The following DGKD variants were observed in gnomAD, a reference collection of about 807,000 sequenced individuals.
DGKD encodes diacylglycerol kinase delta.
DGKD carries 68 observed loss-of-function variants against 154.4 expected under a neutral mutation model. That is an observed-to-expected ratio of 0.44 (90% confidence interval 0.36 to 0.54). The LOEUF is 0.54. Among genes scored for constraint, DGKD ranks in the 20% least tolerant of loss-of-function variants. DGKD has a pLI of 0.00. For synonymous variants in DGKD, 693 were observed against 638.0 expected, an observed-to-expected ratio of 1.09 and a Z score of -1.30; for missense variants, 1,343 against 1,593.6, an observed-to-expected ratio of 0.84 and a Z score of 2.68.
chr2:233,461,453 G>A (rs369949548), intron 24 of DGKD, among the ~76,000 whole-genome samples: 3 of 152,354 alleles, frequency 2.0e-5, no homozygotes, highest in South Asian at 4.1e-4. Flanking sequence ...GGCGTTCCTC[G>A]CTCTGCACTT....
intron 3 of DGKD, among the ~76,000 whole-genome samples, chr2:233,423,076 A>T (rs908111817): frequency 6.6e-6 from 1 of 152,184 alleles, no homozygotes; most frequent in South Asian, 2.1e-4. Context: ...ATTGAGGTTG[A>T]TGAGTCTTAT....
At chr2:233,368,623 G>C (rs1014583698) in intron 1 of DGKD, among the ~76,000 whole-genome samples, 1 of 152,136 alleles carries the variant, frequency 6.6e-6, no homozygotes, top group African/African-American at 2.4e-5. Context: ...AATGTTCGAG[G>C]TAAGGATTTG....
chr2:233,377,313 A>G (rs577939293), intron 1 of DGKD, among the ~76,000 whole-genome samples: 170 of 152,134 alleles, frequency 1.1e-3, no homozygotes, highest in Non-Finnish European at 1.7e-3. Context: ...TGAACTCCTA[A>G]CCTCAGGTGA....
rs771782562 is a variant in DGKD at position 233,446,746 on chromosome 2, C to T, written c.1369C>T (p.Arg457Trp). 5.0e-5 allele frequency: 80 copies of T among 1,614,162 alleles called. No homozygotes were observed. In the Middle Eastern group the frequency reaches 9.9e-4, roughly 20 times the overall value. Residue 457 changes from arginine (R) to tryptophan (W), a missense_variant, in exon 12 of 30, where the codon CGG (arginine) becomes TGG (tryptophan). Physicochemically the swap from Arg to Trp is moderately radical, Grantham distance 101. This residue lies in a region of DGKD where 409 missense variants were observed against 446.0 expected (regional missense o/e 0.92). Transcript: ENST00000264057. ...SVMAYEAKLP[R>W]QASSSTVTED... ...CATGGCATACGAGGCCAAGCTCCCCCGGCAGGCCTCCTCCTCTACCGTCAC... is the reference window on the plus strand; with the variant it reads ...CATGGCATACGAGGCCAAGCTCCCCTGGCAGGCCTCCTCCTCTACCGTCAC...
At chr2:233,396,047 T>C (rs1704003770) in intron 3 of DGKD, among the ~76,000 whole-genome samples, 1 of 152,218 alleles carries the variant, frequency 6.6e-6, no homozygotes, top group African/African-American at 2.4e-5. Flanking sequence ...AAATGGTCTG[T>C]TTTCCAGAAA....
At chr2:233,389,245 T>A (rs927371797) in intron 2 of DGKD, among the ~76,000 whole-genome samples, 5 of 152,228 alleles carry the variant, frequency 3.3e-5, no homozygotes, top group Admixed American at 6.5e-5. Flanking sequence ...CAATTAACCT[T>A]GTTTCTGTGT....
intron 3 of DGKD, chr2:233,408,897 T>G (rs2061751879): frequency 6.6e-6 from 1 of 152,268 alleles, no homozygotes; most frequent in African/African-American, 2.4e-5. Flanking sequence ...GGCTGTTTGC[T>G]AAGTGTGGGG....
At chr2:233,393,971 C>T (rs768513587) in intron 3 of DGKD, among the ~76,000 whole-genome samples, 4 of 152,072 alleles carry the variant, frequency 2.6e-5, no homozygotes, top group Non-Finnish European at 4.4e-5. Context: ...CCACCTTGCC[C>T]GGCTGTGTAT....
chr2:233,391,222 C>G (rs1703586570), intron 3 of DGKD, among the ~76,000 whole-genome samples: 1 of 151,660 alleles, frequency 6.6e-6, no homozygotes, highest in Non-Finnish European at 1.5e-5. Flanking sequence ...TTTCTTCCTT[C>G]CAAATTTATA....
chr2:233,359,971 C>G (rs1701705948), intron 1 of DGKD, among the ~76,000 whole-genome samples: 1 of 152,148 alleles, frequency 6.6e-6, no homozygotes, highest in African/African-American at 2.4e-5. Flanking sequence ...CAGTGACTGG[C>G]TGGGTCTGGA....
intron 1 of DGKD, among the ~76,000 whole-genome samples, chr2:233,387,102 T>A (rs1009569485): frequency 5.3e-5 from 8 of 152,252 alleles, no homozygotes; most frequent in African/African-American, 1.9e-4. Flanking sequence ...TGTTCTGCGC[T>A]TGCATTCTGG....
intron 3 of DGKD, among the ~76,000 whole-genome samples, chr2:233,399,424 C>G (rs776029062): frequency 6.6e-6 from 1 of 152,192 alleles, no homozygotes; most frequent in Non-Finnish European, 1.5e-5. Context: ...GTCTTCCTTC[C>G]TGCAGGGCAC....
intron 1 of DGKD, among the ~76,000 whole-genome samples, chr2:233,371,870 A>C (rs1018471367): frequency 6.6e-6 from 1 of 152,196 alleles, no homozygotes; most frequent in Non-Finnish European, 1.5e-5. Flanking sequence ...GCTCCTCAGG[A>C]GTGCTTGGAA....
At chr2:233,460,164 G>T in intron 23 of DGKD, 30 bp from the exon 24 acceptor site, 1 of 1,611,732 alleles carries the variant, frequency 6.2e-7, no homozygotes, top group Non-Finnish European at 8.5e-7. Context: ...CTTCAGAGCA[G>T]CAGGTGTAAT....
chr2:233,396,817 G>T (rs1704073001), intron 3 of DGKD, among the ~76,000 whole-genome samples: 1 of 152,158 alleles, frequency 6.6e-6, no homozygotes, highest in Non-Finnish European at 1.5e-5. Context: ...GGGACCAGCA[G>T]TGCGAAGACC....
At chr2:233,407,626 G>A (rs562521016) in intron 3 of DGKD, among the ~76,000 whole-genome samples, 1 of 152,208 alleles carries the variant, frequency 6.6e-6, no homozygotes, top group Admixed American at 6.5e-5. Context: ...AATTATCCAG[G>A]TACGGAGGCA....
rs1172006953 is a variant in DGKD at position 233,449,050 on chromosome 2, C to T, written c.1615-53C>T. On this transcript the variant is annotated intron_variant, in intron 14 of 29. Coordinates refer to ENST00000264057, the MANE Select transcript of DGKD (RefSeq NM_152879.3). This position sits in a 1 kb window ranked among gnomAD's most constrained non-coding sequence, Gnocchi z 5.3. ...GAAATGGCCTGAGGTTCCCTGCCTG[C>T]AGACCCTGTTCTCCTGCCTCAGCTC... 25 of 1,530,220 alleles carry T rather than the reference C, an allele frequency of 1.6e-5. No homozygotes were observed. The Middle Eastern group carries it at 6.1e-4, about 37-fold the overall frequency. 94.8% of individuals were successfully genotyped at this position (1,530,220 alleles called of 1,614,324 possible). A position where few individuals can be genotyped will look rare whatever the true frequency, so the allele number is the denominator to read the frequency against.
chr2:233,405,255 AC>A (rs2061655526), intron 3 of DGKD, among the ~76,000 whole-genome samples: 1 of 152,222 alleles, frequency 6.6e-6, no homozygotes, highest in Admixed American at 6.5e-5. Context: ...GCAGTGGCTC[AC>A]GCCTGTAATC....
chr2:233,448,547 G>A (rs2063160395), intron 14 of DGKD, among the ~76,000 whole-genome samples, 172 bp downstream of exon 14: 1 of 152,256 alleles, frequency 6.6e-6, no homozygotes, highest in Non-Finnish European at 1.5e-5. Flanking sequence ...AACGAAGGCA[G>A]GGATTTATTG....
Sources: allele counts gnomAD v4.1 joint callset (sites outside exome capture counted in the v4.1 genomes callset), GRCh38; gene constraint gnomAD v4.1.1; regional missense constraint gnomAD v4.1.1; non-coding constraint Gnocchi (gnomAD v3.1); transcripts MANE v1.5; gene names NCBI Gene and HGNC (gene_info 2026-07-23, HGNC 2026-07-21).